Variants in MAGI1 observed in about 807,000 individuals in gnomAD.
MAGI1 encodes the protein membrane associated guanylate kinase, WW and PDZ domain containing 1, also known as membrane-associated guanylate kinase, WW and PDZ domain-containing protein 1.
In MAGI1, 58 loss-of-function variants were observed where a neutral mutation model predicts 139.9. The ratio of observed to expected loss-of-function variants is 0.41; its 90% CI spans 0.34 to 0.52. MAGI1 has a LOEUF of 0.52. MAGI1 is among the 20% of genes least tolerant of loss of function. MAGI1 has a pLI of 0.12. For synonymous variants in MAGI1, 812 were observed against 737.9 expected (o/e 1.10, Z -1.63); for missense variants, 1,874 against 1,901.6 (o/e 0.99, Z 0.27).
At chr3:65,905,014 G>T (rs1169574692) in intron 1 of MAGI1, among the ~76,000 whole-genome samples, 1 of 152,154 alleles carries the variant, frequency 6.6e-6, no homozygotes, top group Admixed American at 6.6e-5. Context: ...CCGTATAGGG[G>T]ATCTTAACCA....
chr3:65,712,474 C>T (rs1374652164), intron 1 of MAGI1, among the ~76,000 whole-genome samples: 3 of 148,240 alleles, frequency 2.0e-5, no homozygotes, highest in Non-Finnish European at 4.5e-5. Flanking sequence ...AAAAAAAAAG[C>T]CATGCGCGAT....
At chr3:65,504,521 G>A (rs1431550794) in intron 2 of MAGI1, among the ~76,000 whole-genome samples, 1 of 152,152 alleles carries the variant, frequency 6.6e-6, no homozygotes, top group Non-Finnish European at 1.5e-5. Flanking sequence ...TTGTTACTAG[G>A]TGGGAACTTC....
intron 1 of MAGI1, among the ~76,000 whole-genome samples, chr3:66,016,779 A>C (rs1039118616): frequency 2.6e-5 from 4 of 152,196 alleles, no homozygotes; most frequent in African/African-American, 7.2e-5. Flanking sequence ...GGTGAGCAAA[A>C]TGGGGTACAT....
chr3:65,421,311 G>A (rs918132485), intron 12 of MAGI1, among the ~76,000 whole-genome samples: 1 of 152,156 alleles, frequency 6.6e-6, no homozygotes, highest in African/African-American at 2.4e-5. Flanking sequence ...TAGCATGGTG[G>A]AAGTGCTAGA....
chr3:65,855,921 C>T lies in MAGI1; in HGVS notation c.313+182075G>A, dbSNP rs2059365318. On this transcript the variant is annotated intron_variant, in intron 1 of 22. Coordinates refer to ENST00000402939, the MANE Select transcript of MAGI1 (RefSeq NM_001033057.2). ...CTGGAAGCTTCTCGCATGCCAGGCA[C>T]CCCTGGCTCTGGCCTGAGGACATGG... Among the ~76,000 whole-genome samples, 3 of 152,010 alleles carry T rather than the reference C, an allele frequency of 2.0e-5. No homozygotes were observed. The South Asian group carries it at 6.3e-4, about 32-fold the overall frequency.
chr3:66,032,377 A>ATTTTTT (rs781376605), intron 1 of MAGI1, among the ~76,000 whole-genome samples: 4 of 128,706 alleles, frequency 3.1e-5, no homozygotes, highest in Non-Finnish European at 3.2e-5. Flanking sequence ...CGCCCGGCTA[A>ATTTTTT]TTTTTTTGTT....
chr3:65,944,782 A>T (rs1472667544), intron 1 of MAGI1, among the ~76,000 whole-genome samples: 1 of 152,250 alleles, frequency 6.6e-6, no homozygotes, highest in African/African-American at 2.4e-5. Context: ...TACTCTTTGC[A>T]GCATTACAGA....
intron 6 of MAGI1, among the ~76,000 whole-genome samples, chr3:65,451,117 A>G (rs922319757): frequency 3.3e-5 from 5 of 152,214 alleles, no homozygotes; most frequent in Non-Finnish European, 7.3e-5. Flanking sequence ...TAACATTAAC[A>G]CAAAAAGATA....
At chr3:65,674,141 C>T (rs1269293522) in intron 1 of MAGI1, among the ~76,000 whole-genome samples, 1 of 152,168 alleles carries the variant, frequency 6.6e-6, no homozygotes, top group Non-Finnish European at 1.5e-5. Context: ...AAGAATGCAA[C>T]AGGAGATGAC....
intron 1 of MAGI1, among the ~76,000 whole-genome samples, chr3:65,849,271 C>T (rs988920433): frequency 3.2e-4 from 48 of 150,990 alleles, no homozygotes; most frequent in Admixed American, 1.5e-3. Context: ...GTGATCCACC[C>T]GCCTCAGTCT....
chr3:65,856,258 G>A (rs1410572854), intron 1 of MAGI1, among the ~76,000 whole-genome samples: 1 of 152,080 alleles, frequency 6.6e-6, no homozygotes, highest in Non-Finnish European at 1.5e-5. Flanking sequence ...AAAAGCAAAA[G>A]GGAATAGAAG....
chr3:65,750,321 T>C (rs1178223735), intron 1 of MAGI1, among the ~76,000 whole-genome samples: 4 of 152,096 alleles, frequency 2.6e-5, no homozygotes, highest in Non-Finnish European at 5.9e-5. Context: ...AGGGAACAAG[T>C]ACCAGGGATT....
chr3:65,977,659 C>T lies in MAGI1; in HGVS notation c.313+60337G>A, dbSNP rs112147974. On this transcript the variant is annotated intron_variant, in intron 1 of 22. Coordinates refer to ENST00000402939, the MANE Select transcript of MAGI1 (RefSeq NM_001033057.2). The stretch of plus-strand genomic sequence containing the variant: ...CCGGGTGGCAGAGGTTGCAGTGAGC[C>T]GAGATCACACCACTGCACTCCAGCC... Among the ~76,000 whole-genome samples, 856 of 151,344 alleles carry T rather than the reference C, an allele frequency of 5.7e-3. 7 individuals carry two copies. The highest frequency in any genetic ancestry group is 0.02 in the African/African-American group (818 of 41,168).
intron 1 of MAGI1, among the ~76,000 whole-genome samples, chr3:65,759,559 T>C (rs999276968): frequency 2.0e-5 from 3 of 152,350 alleles, no homozygotes; most frequent in East Asian, 3.9e-4. Context: ...TGCAAAATAC[T>C]ATCTATCTCA....
At chr3:65,567,701 C>T (rs1338453910) in intron 2 of MAGI1, among the ~76,000 whole-genome samples, 1 of 151,932 alleles carries the variant, frequency 6.6e-6, no homozygotes, top group East Asian at 1.9e-4. Context: ...CTGGGCGTGG[C>T]AGCACACACT....
intron 1 of MAGI1, among the ~76,000 whole-genome samples, chr3:65,664,963 A>G (rs1287848978): frequency 6.6e-6 from 1 of 152,180 alleles, no homozygotes. Flanking sequence ...CCAAGCAACA[A>G]CTGCCCTAAA....
chr3:65,498,766 G>A (rs2076971754), intron 2 of MAGI1, among the ~76,000 whole-genome samples: 1 of 152,142 alleles, frequency 6.6e-6, no homozygotes, highest in South Asian at 2.1e-4. Flanking sequence ...TATCTGTGCT[G>A]TCTATCCTGG....
Position 65,778,345 on chromosome 3 carries a change from G to A in MAGI1, c.314-156257C>T, listed in dbSNP as rs568624655. Among the ~76,000 whole-genome samples, 26 of 151,040 alleles carry A rather than the reference G, an allele frequency of 1.7e-4. No homozygotes were observed. The South Asian group carries it at 3.1e-3, about 18-fold the overall frequency. ...CTTGGGAGGCTGAGGCAGGAGAATC[G>A]CTTGAACCCAGGAGGCAGAGGTTGC... On this transcript the variant is annotated intron_variant, in intron 1 of 22. Transcript: ENST00000402939.
At chr3:65,791,268 G>A (rs2108068631) in intron 1 of MAGI1, among the ~76,000 whole-genome samples, 2 of 152,216 alleles carry the variant, frequency 1.3e-5, no homozygotes, top group East Asian at 3.9e-4. Flanking sequence ...CTTCGAAGCT[G>A]AAAAACCCAA....
Sources: allele counts gnomAD v4.1 joint callset (sites outside exome capture counted in the v4.1 genomes callset), GRCh38; gene constraint gnomAD v4.1.1; transcripts MANE v1.5; gene names NCBI Gene and HGNC (gene_info 2026-07-23, HGNC 2026-07-21).